Variants in WASHC2A observed in about 807,000 individuals in gnomAD.
WASHC2A encodes the protein WASH complex subunit FAM21A.
Under a neutral mutation model 140.3 loss-of-function variants are expected in WASHC2A, and 82 were observed. The ratio of observed to expected loss-of-function variants is 0.58; its 90% CI spans 0.49 to 0.70. The LOEUF (loss-of-function observed/expected upper bound fraction) is 0.70. Among genes scored for constraint, WASHC2A ranks in the 30% least tolerant of loss-of-function variants. The pLI is 0.00. For missense variants in WASHC2A, 985 were observed against 1,521.8 expected, an observed-to-expected ratio of 0.65 and a Z score of 5.87; for synonymous variants, 340 against 560.8, an observed-to-expected ratio of 0.61 and a Z score of 5.56.
Position 50,068,174 on chromosome 10 carries a change from G to A in WASHC2A, c.73G>A (p.Val25Met), listed in dbSNP as rs55875820. 647,241 of 1,588,412 alleles carry A rather than the reference G, an allele frequency of 0.41. 139,865 individuals are homozygous for A. The highest frequency in any genetic ancestry group is 0.44 in the Non-Finnish European group (511,719 of 1,166,000). Residue 25 changes from valine (V) to methionine (M), a missense_variant, in exon 2 of 31, where the codon GTG becomes ATG. Coordinates refer to ENST00000282633, the MANE Select transcript of WASHC2A (RefSeq NM_001005751.3). ...GCCCGTGTGGGAGCGGCCGTGGTCG[G>A]TGGAGGAGATCCGCAGGAGCAGCCA... ...SEPVWERPWS[V>M]EEIRRSSQSW... is the part of the protein sequence containing the mutation.
At chr10:50,103,529 C>A (rs1841441635) in intron 17 of WASHC2A, among the ~76,000 whole-genome samples, 1 of 151,956 alleles carries the variant, frequency 6.6e-6, no homozygotes, top group South Asian at 2.1e-4. Context: ...CACTGCACTG[C>A]AGCCTGGGCA....
intron 3 of WASHC2A, chr10:50,077,996 A>G: frequency 4.4e-6 from 2 of 451,170 alleles, no homozygotes; most frequent in Non-Finnish European, 7.9e-6. Flanking sequence ...TATAACAAGC[A>G]TGTTGTACTT....
At chr10:50,112,962 C>T (rs1463647758) in intron 20 of WASHC2A, among the ~76,000 whole-genome samples, 2 of 150,784 alleles carry the variant, frequency 1.3e-5, no homozygotes, top group Non-Finnish European at 1.5e-5. Flanking sequence ...ATGTTGTGCA[C>T]TTAGGTTGTA....
chr10:50,068,331 C>G, intron 2 of WASHC2A, 104 bp downstream of exon 2: 1 of 1,249,706 alleles, frequency 8.0e-7, no homozygotes, highest in Non-Finnish European at 1.1e-6. Context: ...CGTCCCGTTG[C>G]CTGCCCTCTT....
chr10:50,090,781 C>G lies in WASHC2A; in HGVS notation c.738C>G (p.Thr246=), dbSNP rs1839859688. ...TTGGTATTTTATACTCTTAGCACACCACACAAATGAGTGATGAGGAAGAGG... is the reference window on the plus strand; with the variant it reads ...TTGGTATTTTATACTCTTAGCACACGACACAAATGAGTGATGAGGAAGAGG... ...HHSDNEQNRH[T]TQMSDEEEDD... Residue 246 remains threonine (T), a synonymous_variant, in exon 9 of 31, where the codon ACC becomes ACG. Transcript: ENST00000282633. The G allele has an allele frequency of 6.2e-7, 1 of 1,610,480 alleles. No homozygotes were observed. Among genetic ancestry groups the G allele is most frequent in the African/African-American group, 1.3e-5 (1 of 74,518 alleles).
intron 5 of WASHC2A, among the ~76,000 whole-genome samples, 162 bp downstream of exon 5, chr10:50,081,093 C>T (rs1251157358): frequency 2.0e-5 from 3 of 150,756 alleles, no homozygotes; most frequent in African/African-American, 4.9e-5. Flanking sequence ...TACCTGAGCA[C>T]TGATGGAGTA....
chr10:50,101,993 TC>T (rs1287093261), intron 17 of WASHC2A, among the ~76,000 whole-genome samples: 1 of 152,224 alleles, frequency 6.6e-6, no homozygotes, highest in Non-Finnish European at 1.5e-5. Context: ...CCTTCTTTGT[TC>T]CAGCCTTGGA....
chr10:50,095,944 G>A (rs1840465062), intron 15 of WASHC2A, among the ~76,000 whole-genome samples, 166 bp downstream of exon 15: 1 of 111,016 alleles, frequency 9.0e-6, no homozygotes, highest in African/African-American at 3.4e-5. Context: ...GTGGTGCCTG[G>A]GAGGTCTGTT....
At chr10:50,076,917 A>G (rs1289119387) in intron 3 of WASHC2A, among the ~76,000 whole-genome samples, 1 of 150,966 alleles carries the variant, frequency 6.6e-6, no homozygotes, top group Non-Finnish European at 1.5e-5. Flanking sequence ...GATTGAGACC[A>G]TCCTGGTTAA....
In WASHC2A at chr10:50,076,700, G is replaced by A. The variant is rs9702049; in HGVS notation, c.292-1975G>A. Among the ~76,000 whole-genome samples, 1,196 of 152,004 alleles carry A rather than the reference G, an allele frequency of 7.9e-3. 16 individuals carry two copies. Among genetic ancestry groups the A allele is most frequent in the African/African-American group, 0.026 (1,093 of 41,412 alleles). ...AATAAATAAATAATCAGTTTCAGCC[G>A]GGCACAATGGCTCACACCTGTAATC... On this transcript the variant is annotated intron_variant, in intron 3 of 30. Coordinates refer to ENST00000282633, the MANE Select transcript of WASHC2A (RefSeq NM_001005751.3).
At chr10:50,087,699 T>C (rs1554881459) in intron 8 of WASHC2A, among the ~76,000 whole-genome samples, 1 of 152,182 alleles carries the variant, frequency 6.6e-6, no homozygotes, top group African/African-American at 2.4e-5. Flanking sequence ...CTTCTTACCC[T>C]ACTGTCTTAG....
At chr10:50,127,553 C>G in intron 27 of WASHC2A, 30 bp from the exon 28 acceptor site, 1 of 1,593,692 alleles carries the variant, frequency 6.3e-7, no homozygotes, top group Non-Finnish European at 8.6e-7. Flanking sequence ...TGTTGAAGAA[C>G]AAATACAGAG....
At chr10:50,085,366 A>G (rs566243380) in intron 6 of WASHC2A, 131 bp from the exon 7 acceptor site, 7 of 284,492 alleles carry the variant, frequency 2.5e-5, no homozygotes, top group South Asian at 1.1e-4. Flanking sequence ...GACACTTTCA[A>G]TTCCAGTAAG....
intron 1 of WASHC2A, 47 bp from the exon 2 acceptor site, chr10:50,068,058 C>T (rs782662079): frequency 1.4e-5 from 23 of 1,608,546 alleles, no homozygotes; most frequent in Non-Finnish European, 2.0e-5. Flanking sequence ...GGCCGCCGTC[C>T]CTGCCGCCCT....
At chr10:50,128,609 T>C (rs561900215) in intron 28 of WASHC2A, among the ~76,000 whole-genome samples, 91 of 152,346 alleles carry the variant, frequency 6.0e-4, no homozygotes, top group African/African-American at 2.0e-3. Flanking sequence ...CAAACCTGTT[T>C]CCTTGTGCAA....
intron 8 of WASHC2A, among the ~76,000 whole-genome samples, chr10:50,087,663 A>G (rs1238731492): frequency 6.6e-6 from 1 of 152,076 alleles, no homozygotes; most frequent in Non-Finnish European, 1.5e-5. Flanking sequence ...TAGCAGTAAC[A>G]TTATTGAGTA....
chr10:50,133,385 T>C lies in WASHC2A; in HGVS notation c.*440T>C, dbSNP rs1252926257. The C allele has an allele frequency of 3.2e-5, 15 of 474,180 alleles. No individual in the cohort carries two copies. The highest frequency in any genetic ancestry group is 6.0e-5 in the African/African-American group (3 of 50,232). The allele number at this position is 474,180 out of a possible 1,614,324, so 29.4% of individuals were successfully genotyped here. A position where few individuals can be genotyped will look rare whatever the true frequency, so the allele number is the denominator to read the frequency against. Reference sequence around the variant, plus strand: ...GATTATACTTCATGAGTCTTAGCAATATGGGAGCAGGTTTTCACTGAATTC... The same window carrying C: ...GATTATACTTCATGAGTCTTAGCAACATGGGAGCAGGTTTTCACTGAATTC... On this transcript the variant is annotated 3_prime_UTR_variant, in exon 31 of 31. Coordinates refer to ENST00000282633, the MANE Select transcript of WASHC2A (RefSeq NM_001005751.3).
intron 28 of WASHC2A, among the ~76,000 whole-genome samples, chr10:50,129,191 T>C (rs1843710295): frequency 6.6e-6 from 1 of 152,158 alleles, no homozygotes; most frequent in African/African-American, 2.4e-5. Context: ...GATTAAAAAA[T>C]GGAGAACTCT....
At chr10:50,078,311 C>T (rs1169340942) in intron 3 of WASHC2A, among the ~76,000 whole-genome samples, 2 of 152,172 alleles carry the variant, frequency 1.3e-5, no homozygotes, top group African/African-American at 2.4e-5. Flanking sequence ...TTGACATTCT[C>T]CATAACCTGG....
Sources: gnomAD v4.1 joint callset for allele counts (sites outside exome capture counted in the v4.1 genomes callset) on GRCh38, gnomAD v4.1.1 for gene constraint, MANE v1.5 for transcripts, NCBI Gene and HGNC (gene_info 2026-07-23, HGNC 2026-07-21) for gene names.